The following SLC30A7 variants were observed in gnomAD, a reference collection of about 807,000 sequenced individuals.
SLC30A7 encodes solute carrier family 30 member 7.
SLC30A7 carries 35 observed loss-of-function variants against 46.0 expected under a neutral mutation model. The ratio of observed to expected loss-of-function variants is 0.76; its 90% CI spans 0.58 to 1.01. The LOEUF (loss-of-function observed/expected upper bound fraction) is 1.01, where lower values mean the gene tolerates loss of function less well. SLC30A7 is among the 50% of genes least tolerant of loss of function. The pLI is 0.00. For missense variants in SLC30A7, 464 were observed against 451.1 expected, an observed-to-expected ratio of 1.03 and a Z score of -0.26; for synonymous variants, 147 against 157.8, an observed-to-expected ratio of 0.93 and a Z score of 0.51.
rs1303499130 is a variant in SLC30A7, at chr1:100,981,592, CA to C, written c.*6737del. On this transcript the variant is annotated 3_prime_UTR_variant, in exon 11 of 11. Coordinates refer to ENST00000357650, the MANE Select transcript of SLC30A7 (RefSeq NM_133496.5). Reference sequence around the variant, plus strand: ...TTCGGTTTGAATATGCTGAAGTGAGCAATTATGATTTGCCCAAGTGCAATAC... The same window carrying C: ...TTCGGTTTGAATATGCTGAAGTGAGCATTATGATTTGCCCAAGTGCAATAC... The C allele has an allele frequency of 4.6e-5, 7 of 152,138 alleles. No individual in the cohort carries two copies. Among genetic ancestry groups the C allele is most frequent in the Non-Finnish European group, 1.0e-4 (7 of 68,024 alleles). The allele number at this position is 152,138 out of a possible 1,614,324, so 9.4% of individuals were successfully genotyped here. A position where few individuals can be genotyped will look rare whatever the true frequency, so the allele number is the denominator to read the frequency against.
At chr1:100,935,948 C>G (rs1653936791) in intron 8 of SLC30A7, among the ~76,000 whole-genome samples, 1 of 152,172 alleles carries the variant, frequency 6.6e-6, no homozygotes, top group Admixed American at 6.5e-5. Context: ...CCTAATACCA[C>G]TCTTTGCCCT....
intron 8 of SLC30A7, among the ~76,000 whole-genome samples, chr1:100,922,698 TAA>T (rs923651692): frequency 2.0e-5 from 3 of 152,250 alleles, no homozygotes; most frequent in African/African-American, 7.2e-5. Flanking sequence ...TATGGAAAGA[TAA>T]ATGTGTGTAG....
chr1:100,944,342 AAT>A (rs1654509598), intron 8 of SLC30A7, among the ~76,000 whole-genome samples: 1 of 152,178 alleles, frequency 6.6e-6, no homozygotes, highest in African/African-American at 2.4e-5. Flanking sequence ...ACCCAGACAG[AAT>A]ATGTTTTTAA....
chr1:100,962,193 A>T (rs570292692), intron 9 of SLC30A7, among the ~76,000 whole-genome samples: 12 of 152,278 alleles, frequency 7.9e-5, no homozygotes, highest in Admixed American at 3.3e-4. Context: ...TTCAACATAG[A>T]GTTTTTGAGC....
Position 100,921,801 on chromosome 1 carries a change from C to T in SLC30A7, c.802C>T (p.Pro268Ser), listed in dbSNP as rs1652949131. The T allele has an allele frequency of 6.2e-7, 1 of 1,612,774 alleles. No homozygotes were observed. The highest frequency in any genetic ancestry group is 1.1e-5 in the South Asian group (1 of 91,052). ...MQNFGLMIAD[P>S]ICSILIAILI... is the part of the protein sequence containing the mutation. ...AAATTTTGGTCTGATGATAGCAGAT[C>T]CTATCTGTTCAATTCTTATAGCCAT... is the stretch of plus-strand genomic sequence containing the variant. The change falls in exon 8 of 11, where the codon CCT (proline) becomes TCT (serine). Residue 268 changes from proline (P) to serine (S), a missense_variant. Coordinates refer to ENST00000357650, the MANE Select transcript of SLC30A7 (RefSeq NM_133496.5).
chr1:100,967,428 G>A (rs577181719), intron 10 of SLC30A7, among the ~76,000 whole-genome samples: 2 of 152,096 alleles, frequency 1.3e-5, no homozygotes, highest in Admixed American at 1.3e-4. Flanking sequence ...GCCACTCACC[G>A]CTGTGAGTGG....
intron 3 of SLC30A7, among the ~76,000 whole-genome samples, chr1:100,908,098 C>T (rs1477918038): frequency 6.6e-6 from 1 of 151,902 alleles, no homozygotes; most frequent in African/African-American, 2.4e-5. Context: ...TTCTCCTTCC[C>T]TGAGCTCTCC....
chr1:100,961,097 G>A (rs1229349154), intron 8 of SLC30A7, among the ~76,000 whole-genome samples: 1 of 151,564 alleles, frequency 6.6e-6, no homozygotes, highest in Admixed American at 6.6e-5. Context: ...TGGGACTACA[G>A]GCGCCCGCCA....
chr1:100,953,972 T>C (rs572099402), intron 8 of SLC30A7, among the ~76,000 whole-genome samples: 17 of 152,220 alleles, frequency 1.1e-4, no homozygotes, highest in Non-Finnish European at 1.6e-4. Flanking sequence ...TTTTTAGATA[T>C]GACTGAATTG....
At position 100,979,655 on chromosome 1, in the gene SLC30A7, G is replaced by T. The variant is rs1475497762; in HGVS notation, c.*4798G>T. 2 of 152,034 alleles carry T rather than the reference G, an allele frequency of 1.3e-5. No individual in the cohort carries two copies. Among genetic ancestry groups the T allele is most frequent in the East Asian group, 3.8e-4 (2 of 5,204 alleles). The allele number at this position is 152,034 out of a possible 1,614,324, so 9.4% of individuals were successfully genotyped here. On this transcript the variant is annotated 3_prime_UTR_variant, in exon 11 of 11. Coordinates refer to ENST00000357650, the MANE Select transcript of SLC30A7 (RefSeq NM_133496.5). ...ATTTAATCCTCAAATTTCTACAAAG[G>T]AATAATTTTGCATGATTTTATGATT...
Position 100,918,091 on chromosome 1 carries a change from A to G in SLC30A7, c.670A>G (p.Lys224Glu), listed in dbSNP as rs1652698735. The stretch of plus-strand genomic sequence containing the variant: ...ATTCTCTACAGATGGCCCGTCCTTA[A>G]AAGAAACAACAGGACCCAGCAGACA... ...HFHSHDGPSLKETTGPSRQIL... is the reference protein window; with the variant it reads ...HFHSHDGPSLEETTGPSRQIL... The change falls in exon 7 of 11, where the codon AAA (lysine) becomes GAA (glutamate). Residue 224 changes from lysine (K) to glutamate (E), a missense_variant. Lys to Glu is a moderately conservative substitution (Grantham distance 56). Transcript: ENST00000357650. The G allele has an allele frequency of 6.2e-7, 1 of 1,612,624 alleles. No homozygotes were observed. Among genetic ancestry groups the G allele is most frequent in the Non-Finnish European group, 8.5e-7 (1 of 1,179,146 alleles).
intron 6 of SLC30A7, among the ~76,000 whole-genome samples, chr1:100,915,195 TTC>T (rs1557981109): frequency 1.0e-4 from 6 of 57,306 alleles, no homozygotes; most frequent in African/African-American, 4.5e-4. Flanking sequence ...TTTCTTTCTT[TTC>T]TTTCTTTCTT....
intron 8 of SLC30A7, among the ~76,000 whole-genome samples, chr1:100,933,025 G>C (rs1023531971): frequency 4.7e-5 from 7 of 148,262 alleles, no homozygotes; most frequent in Non-Finnish European, 1.0e-4. Flanking sequence ...CGCCAGGCTA[G>C]AGTGCTGTGG....
the SLC30A7 span, among the ~76,000 whole-genome samples, chr1:100,994,754 T>G: frequency 6.6e-6 from 1 of 152,164 alleles, no homozygotes; most frequent in Non-Finnish European, 1.5e-5. Context: ...TTTGAACTCC[T>G]GGCCTCAAAC....
intron 8 of SLC30A7, among the ~76,000 whole-genome samples, chr1:100,947,073 T>A (rs912615685): frequency 2.0e-5 from 3 of 152,066 alleles, no homozygotes; most frequent in Non-Finnish European, 4.4e-5. Flanking sequence ...TTTATTTGCA[T>A]AGAGGAATTT....
chr1:100,918,717 C>T (rs1652755187), intron 7 of SLC30A7, among the ~76,000 whole-genome samples: 1 of 152,048 alleles, frequency 6.6e-6, no homozygotes, highest in Non-Finnish European at 1.5e-5. Flanking sequence ...TAACACAAAG[C>T]CTATTTTATA....
intron 10 of SLC30A7, among the ~76,000 whole-genome samples, chr1:100,968,986 G>C (rs889817038): frequency 6.6e-6 from 1 of 152,158 alleles, no homozygotes; most frequent in Admixed American, 6.5e-5. Flanking sequence ...TCTAAAATCT[G>C]TCTTTCTGAT....
At chr1:100,951,907 A>G (rs1654975721) in intron 8 of SLC30A7, among the ~76,000 whole-genome samples, 1 of 152,194 alleles carries the variant, frequency 6.6e-6, no homozygotes, top group Non-Finnish European at 1.5e-5. Context: ...GAGATGGGAG[A>G]TTATTCTGTA....
At chr1:100,903,292 CAAA>C (rs895145278) in intron 2 of SLC30A7, among the ~76,000 whole-genome samples, 25 of 151,970 alleles carry the variant, frequency 1.6e-4, no homozygotes, top group African/African-American at 5.5e-4. Context: ...GGATCGAAAA[CAAA>C]ATCATAGACA....
Sources: gnomAD v4.1 joint callset for allele counts (sites outside exome capture counted in the v4.1 genomes callset) on GRCh38, gnomAD v4.1.1 for gene constraint, MANE v1.5 for transcripts, NCBI Gene and HGNC (gene_info 2026-07-23, HGNC 2026-07-21) for gene names.